PEBP4: variants seen among roughly 807,000 people sequenced by gnomAD.
The protein encoded by PEBP4 is phosphatidylethanolamine-binding protein 4.
A neutral mutation model predicts 23.9 loss-of-function variants in PEBP4; 22 were observed. The observed-to-expected ratio is 0.92, with a 90% confidence interval of 0.66 to 1.31. The LOEUF (loss-of-function observed/expected upper bound fraction) is 1.31. Ranked by LOEUF, PEBP4 falls within the 40% of genes most tolerant of loss-of-function variation. PEBP4 has a pLI of 0.00. For synonymous variants in PEBP4, 112 were observed against 99.3 expected (o/e 1.13, Z -0.76); for missense variants, 324 against 281.7 (o/e 1.15, Z -1.07).
At position 22,713,439 on chromosome 8, in the gene PEBP4, G is replaced by A. The variant is rs201119653; in HGVS notation, c.615C>T (p.Thr205=). The A allele has an allele frequency of 4.8e-5, 78 of 1,613,784 alleles. No individual in the cohort carries two copies. The East Asian group carries it at 1.7e-3, about 35-fold the overall frequency. Residue 205 remains threonine (T), a synonymous_variant, in exon 7 of 7, where the codon ACC becomes ACT. Coordinates refer to ENST00000256404, the MANE Select transcript of PEBP4 (RefSeq NM_144962.3). ...FMTQNYQDSP[T]LQAPRERASE... The stretch of plus-strand genomic sequence containing the variant: ...TGGCCCTTTCTCTGGGAGCCTGGAG[G>A]GTTGGTGAGTCCTGGTAGTTCTGGG...
At chr8:22,914,908 C>T (rs1445738409) in intron 3 of PEBP4, among the ~76,000 whole-genome samples, 1 of 152,172 alleles carries the variant, frequency 6.6e-6, no homozygotes, top group Admixed American at 6.5e-5. Context: ...AGCTTGCCAG[C>T]GCCATGCCCA....
chr8:22,752,548 G>A (rs1012184763), intron 4 of PEBP4, among the ~76,000 whole-genome samples: 7 of 152,184 alleles, frequency 4.6e-5, no homozygotes, highest in African/African-American at 1.7e-4. Flanking sequence ...CCAAGACTGC[G>A]CGTGTCTGTG....
chr8:22,858,400 T>A (rs933074720), intron 3 of PEBP4, among the ~76,000 whole-genome samples: 3 of 152,240 alleles, frequency 2.0e-5, no homozygotes, highest in African/African-American at 7.2e-5. Context: ...TCTCTTTTCA[T>A]TTTGGTAAAT....
chr8:22,812,650 C>T (rs1487385064), intron 4 of PEBP4, among the ~76,000 whole-genome samples: 2 of 152,194 alleles, frequency 1.3e-5, no homozygotes, highest in African/African-American at 2.4e-5. Flanking sequence ...CATTATTAAT[C>T]CCATCTCCTT....
At position 22,723,257 on chromosome 8, in the gene PEBP4, G is replaced by T. The variant is rs533569964; in HGVS notation, c.517+1586C>A. Among the ~76,000 whole-genome samples, 12 of 152,264 alleles carry T rather than the reference G, an allele frequency of 7.9e-5. No individual in the cohort carries two copies. The East Asian group carries it at 1.9e-3, about 25-fold the overall frequency. ...CAACATCTTGGGAGGGGTGGGTCAG[G>T]CCTCTGCTGGTCCCTCAGGCCACTG... On this transcript the variant is annotated intron_variant, in intron 6 of 6. Coordinates refer to ENST00000256404, the MANE Select transcript of PEBP4 (RefSeq NM_144962.3).
chr8:22,714,703 T>C (rs1373161088), intron 6 of PEBP4, among the ~76,000 whole-genome samples: 2 of 151,916 alleles, frequency 1.3e-5, no homozygotes, highest in African/African-American at 4.8e-5. Flanking sequence ...GGTTGGAAGC[T>C]CTCAGAACCC....
chr8:22,727,732 G>A lies in PEBP4; in HGVS notation c.358-512C>T, dbSNP rs558334515. On this transcript the variant is annotated intron_variant, in intron 4 of 6. Coordinates refer to ENST00000256404, the MANE Select transcript of PEBP4 (RefSeq NM_144962.3). The stretch of plus-strand genomic sequence containing the variant: ...AATGGGCTCAGAGCAACCAGCGGGG[G>A]AAGGGAAAGCAGGAGGAGGCTACAC... Among the ~76,000 whole-genome samples, 80 of 152,218 alleles carry A rather than the reference G, an allele frequency of 5.3e-4. 1 individual carries two copies. Among genetic ancestry groups the A allele is most frequent in the Middle Eastern group, 3.4e-3 (1 of 294 alleles).
intron 6 of PEBP4, among the ~76,000 whole-genome samples, chr8:22,716,170 G>A (rs28705842): frequency 0.054 from 8,285 of 152,260 alleles, 295 homozygotes; most frequent in African/African-American, 0.095. Flanking sequence ...CACCTGCCCT[G>A]TGGCTGGGAC....
intron 6 of PEBP4, among the ~76,000 whole-genome samples, chr8:22,718,415 G>T (rs1008902362): frequency 1.3e-5 from 2 of 152,236 alleles, no homozygotes; most frequent in African/African-American, 4.8e-5. Context: ...GAATCTGGGG[G>T]CTTATCTGTG....
chr8:22,815,144 T>C (rs145130087), intron 4 of PEBP4: 23 of 152,348 alleles, frequency 1.5e-4, no homozygotes, highest in East Asian at 9.6e-4. Flanking sequence ...TTATGTCTAT[T>C]TCACAAAGTG....
chr8:22,778,814 AG>A (rs1339116329), intron 4 of PEBP4, among the ~76,000 whole-genome samples: 4 of 152,042 alleles, frequency 2.6e-5, no homozygotes, highest in Non-Finnish European at 5.9e-5. Context: ...TGCTCTGCTG[AG>A]GCCATCTGAA....
intron 3 of PEBP4, among the ~76,000 whole-genome samples, chr8:22,880,344 T>C (rs1808221739): frequency 6.6e-6 from 1 of 152,164 alleles, no homozygotes; most frequent in South Asian, 2.1e-4. Context: ...AGAACTTGCT[T>C]TGAGAAGCTC....
At chr8:22,809,735 C>A (rs955226164) in intron 4 of PEBP4, among the ~76,000 whole-genome samples, 1 of 152,180 alleles carries the variant, frequency 6.6e-6, no homozygotes, top group African/African-American at 2.4e-5. Context: ...TTCCTTCTTC[C>A]TCTCCCTCTC....
intron 3 of PEBP4, among the ~76,000 whole-genome samples, chr8:22,906,624 T>C (rs1250914485): frequency 6.6e-6 from 1 of 152,256 alleles, no homozygotes; most frequent in Non-Finnish European, 1.5e-5. Context: ...CTGAGATGAC[T>C]GTCCATCACC....
chr8:22,733,361 G>C (rs1804780367), intron 4 of PEBP4, among the ~76,000 whole-genome samples: 1 of 152,198 alleles, frequency 6.6e-6, no homozygotes, highest in Non-Finnish European at 1.5e-5. Context: ...CGTAGGGACA[G>C]AGAGCTGCAT....
chr8:22,801,568 C>T (rs1410858269), intron 4 of PEBP4, among the ~76,000 whole-genome samples: 1 of 152,162 alleles, frequency 6.6e-6, no homozygotes, highest in Non-Finnish European at 1.5e-5. Flanking sequence ...CCTCTACTGC[C>T]TTCAGGCTGG....
chr8:22,810,169 C>A (rs1046937946), intron 4 of PEBP4, among the ~76,000 whole-genome samples: 1 of 152,228 alleles, frequency 6.6e-6, no homozygotes, highest in Non-Finnish European at 1.5e-5. Flanking sequence ...CATTCCTTCT[C>A]GTGTGTCCGT....
chr8:22,747,903 G>A (rs1445139710), intron 4 of PEBP4, among the ~76,000 whole-genome samples: 1 of 152,220 alleles, frequency 6.6e-6, no homozygotes, highest in Admixed American at 6.5e-5. Context: ...TGGAGCAGGA[G>A]CCCAGGGCCG....
chr8:22,850,094 G>T (rs573686345), intron 3 of PEBP4, among the ~76,000 whole-genome samples: 2 of 150,516 alleles, frequency 1.3e-5, no homozygotes, highest in East Asian at 3.9e-4. Context: ...GATAGAGGAA[G>T]ATATCATCCT....
Sources: allele counts gnomAD v4.1 joint callset (sites outside exome capture counted in the v4.1 genomes callset), GRCh38; gene constraint gnomAD v4.1.1; transcripts MANE v1.5; gene names NCBI Gene and HGNC (gene_info 2026-07-23, HGNC 2026-07-21).